LHFPL3: variants seen among roughly 807,000 people sequenced by gnomAD.
The protein encoded by LHFPL3 is LHFPL tetraspan subfamily member 3 protein.
Under a neutral mutation model 19.3 loss-of-function variants are expected in LHFPL3, and 5 were observed. The observed-to-expected ratio is 0.26, with a 90% CI of 0.14 to 0.54. The LOEUF is 0.54. Among genes scored for constraint, LHFPL3 ranks in the 20% least tolerant of loss-of-function variants. The pLI, the probability that LHFPL3 is intolerant of heterozygous loss-of-function variation, is 0.94. For missense variants in LHFPL3, 249 were observed against 307.4 expected, an observed-to-expected ratio of 0.81 and a Z score of 1.42; for synonymous variants, 133 against 126.2, an observed-to-expected ratio of 1.05 and a Z score of -0.36.
At chr7:104,793,371 G>T (rs1219692388) in intron 2 of LHFPL3, among the ~76,000 whole-genome samples, 1 of 152,160 alleles carries the variant, frequency 6.6e-6, no homozygotes, top group Non-Finnish European at 1.5e-5. Context: ...AAACAGAAAG[G>T]CTAGCTTTGC....
chr7:104,863,281 C>G (rs1177430607), intron 2 of LHFPL3, among the ~76,000 whole-genome samples: 2 of 152,212 alleles, frequency 1.3e-5, no homozygotes, highest in African/African-American at 4.8e-5. Flanking sequence ...TGGAGACTCA[C>G]TATTCCTATG....
intron 1 of LHFPL3, among the ~76,000 whole-genome samples, chr7:104,487,580 G>A (rs747431541): frequency 3.3e-5 from 5 of 152,208 alleles, no homozygotes; most frequent in Non-Finnish European, 7.3e-5. Context: ...ATGCAGACAC[G>A]AGGAGAATGT....
intron 1 of LHFPL3, among the ~76,000 whole-genome samples, chr7:104,671,135 A>C (rs2116040423): frequency 6.6e-6 from 1 of 152,048 alleles, no homozygotes; most frequent in Non-Finnish European, 1.5e-5. Flanking sequence ...AATGAATATA[A>C]TTTACCCAGT....
At chr7:104,852,600 C>G (rs996786777) in intron 2 of LHFPL3, among the ~76,000 whole-genome samples, 1 of 152,230 alleles carries the variant, frequency 6.6e-6, no homozygotes, top group African/African-American at 2.4e-5. Context: ...GCCCCCAGGG[C>G]CAGCTCCATG....
At chr7:104,588,143 G>A (rs760115571) in intron 1 of LHFPL3, among the ~76,000 whole-genome samples, 3 of 152,188 alleles carry the variant, frequency 2.0e-5, no homozygotes, top group African/African-American at 2.4e-5. Flanking sequence ...TGTCAATTTC[G>A]TTTTTTGTTG....
At chr7:104,549,589 G>C (rs74768481) in intron 1 of LHFPL3, among the ~76,000 whole-genome samples, 2,084 of 152,072 alleles carry the variant, frequency 0.014, 43 homozygotes, top group African/African-American at 0.048. Flanking sequence ...TCAAGATTTT[G>C]CTTTTATAAT....
intron 2 of LHFPL3, among the ~76,000 whole-genome samples, chr7:104,829,219 T>G (rs935772277): frequency 6.6e-6 from 1 of 151,760 alleles, no homozygotes. Context: ...CCGGCTGGCT[T>G]GGCCTCCATC....
At chr7:104,838,222 C>T (rs1028844792) in intron 2 of LHFPL3, among the ~76,000 whole-genome samples, 1 of 152,174 alleles carries the variant, frequency 6.6e-6, no homozygotes, top group African/African-American at 2.4e-5. Flanking sequence ...GTCCTTTGTG[C>T]CACACCTGCC....
At chr7:104,803,613 C>A (rs1790298340) in intron 2 of LHFPL3, 1 of 152,302 alleles carries the variant, frequency 6.6e-6, no homozygotes, top group South Asian at 2.1e-4. Flanking sequence ...TGGGATGAAA[C>A]CACTCCCACA....
At chr7:104,577,280 C>T (rs1790356143) in intron 1 of LHFPL3, among the ~76,000 whole-genome samples, 1 of 152,050 alleles carries the variant, frequency 6.6e-6, no homozygotes, top group Admixed American at 6.5e-5. Flanking sequence ...GAGGCACAAA[C>T]CTTAGCAATA....
chr7:104,846,303 G>A (rs1328188353), intron 2 of LHFPL3, among the ~76,000 whole-genome samples: 1 of 152,222 alleles, frequency 6.6e-6, no homozygotes, highest in East Asian at 1.9e-4. Flanking sequence ...TGATTGCAGG[G>A]TTGGAACTGC....
At chr7:104,499,123 T>A (rs767925323) in intron 1 of LHFPL3, among the ~76,000 whole-genome samples, 4 of 152,196 alleles carry the variant, frequency 2.6e-5, no homozygotes, top group Non-Finnish European at 4.4e-5. Context: ...TTGCCTTAAT[T>A]TTATTTCTGA....
intron 1 of LHFPL3, among the ~76,000 whole-genome samples, chr7:104,661,314 C>T (rs568056404): frequency 3.3e-5 from 5 of 152,250 alleles, no homozygotes; most frequent in African/African-American, 9.6e-5. Context: ...ACCCATGTGC[C>T]CTCTTTCTTG....
intron 1 of LHFPL3, among the ~76,000 whole-genome samples, chr7:104,603,476 A>G (rs1023123939): frequency 1.3e-5 from 2 of 152,066 alleles, no homozygotes; most frequent in African/African-American, 4.8e-5. Flanking sequence ...CAAAATGCAA[A>G]ATACATTCAT....
intron 1 of LHFPL3, among the ~76,000 whole-genome samples, chr7:104,353,773 T>C (rs1790222404): frequency 6.6e-6 from 1 of 152,178 alleles, no homozygotes; most frequent in South Asian, 2.1e-4. Flanking sequence ...CTGGGCACTT[T>C]ATATACAGTG....
chr7:104,510,488 T>G (rs1328762255), intron 1 of LHFPL3, among the ~76,000 whole-genome samples: 1 of 152,168 alleles, frequency 6.6e-6, no homozygotes, highest in Non-Finnish European at 1.5e-5. Flanking sequence ...TGGACATTCC[T>G]AGGCATAAAA....
intron 1 of LHFPL3, among the ~76,000 whole-genome samples, chr7:104,634,132 A>G (rs987640956): frequency 2.0e-5 from 3 of 152,246 alleles, no homozygotes; most frequent in African/African-American, 7.2e-5. Context: ...AGACATATAA[A>G]TACCAATAGC....
intron 2 of LHFPL3, among the ~76,000 whole-genome samples, chr7:104,739,863 G>C (rs1371805673): frequency 6.6e-6 from 1 of 152,140 alleles, no homozygotes; most frequent in Non-Finnish European, 1.5e-5. Context: ...CATCTGAAAG[G>C]GATACACACT....
At chr7:104,538,461 G>T (rs536366223) in intron 1 of LHFPL3, among the ~76,000 whole-genome samples, 23 of 152,314 alleles carry the variant, frequency 1.5e-4, no homozygotes, top group Non-Finnish European at 2.6e-4. Flanking sequence ...ACATTCACTG[G>T]ATGTTGGAGA....
Sources: allele counts gnomAD v4.1 joint callset (sites outside exome capture counted in the v4.1 genomes callset), GRCh38; gene constraint gnomAD v4.1.1; transcripts MANE v1.5; gene names NCBI Gene and HGNC (gene_info 2026-07-23, HGNC 2026-07-21).